The following RFTN2 variants were observed in gnomAD, a reference collection of about 807,000 sequenced individuals.
RFTN2 encodes the protein raftlin family member 2, also known as raftlin-2.
Under a neutral mutation model 52.7 loss-of-function variants are expected in RFTN2, and 34 were observed. That is an observed-to-expected ratio of 0.64 (90% CI 0.49 to 0.86). The LOEUF (loss-of-function observed/expected upper bound fraction) is 0.86. Among genes scored for constraint, RFTN2 ranks in the 40% least tolerant of loss-of-function variants. RFTN2 has a pLI of 0.00. For synonymous variants in RFTN2, 203 were observed against 217.7 expected, an observed-to-expected ratio of 0.93 and a Z score of 0.59; for missense variants, 536 against 600.1, an observed-to-expected ratio of 0.89 and a Z score of 1.12.
intron 2 of RFTN2, among the ~76,000 whole-genome samples, chr2:197,645,556 C>T (rs2088735821): frequency 6.6e-6 from 1 of 152,160 alleles, no homozygotes; most frequent in Non-Finnish European, 1.5e-5. Context: ...ACCATGAAAA[C>T]TATCAAATTT....
intron 1 of RFTN2, among the ~76,000 whole-genome samples, chr2:197,667,102 T>C (rs1031840602): frequency 4.6e-5 from 7 of 152,166 alleles, no homozygotes; most frequent in African/African-American, 1.4e-4. Context: ...TTTCTCAGCC[T>C]CCTGAGTAGC....
intron 5 of RFTN2, among the ~76,000 whole-genome samples, chr2:197,628,180 C>CT (rs5837549): frequency 0.24 from 36,290 of 152,012 alleles, 4,602 homozygotes; most frequent in African/African-American, 0.32. Context: ...ACAATTTCCC[C>CT]TTGGCAACTT....
intron 1 of RFTN2, among the ~76,000 whole-genome samples, chr2:197,646,897 CAAAAA>C (rs35611096): frequency 1.1e-5 from 1 of 88,270 alleles, no homozygotes; most frequent in Admixed American, 1.4e-4. Context: ...ATTGTCTCTA[CAAAAA>C]AAAAAAAAAA....
At chr2:197,610,903 G>C (rs2088046368) in intron 7 of RFTN2, among the ~76,000 whole-genome samples, 1 of 152,194 alleles carries the variant, frequency 6.6e-6, no homozygotes, top group African/African-American at 2.4e-5. Context: ...CTGTTTATGT[G>C]ATGGATTACA....
At chr2:197,619,282 C>T (rs1372655070) in intron 5 of RFTN2, among the ~76,000 whole-genome samples, 1 of 151,516 alleles carries the variant, frequency 6.6e-6, no homozygotes, top group Non-Finnish European at 1.5e-5. Flanking sequence ...ATGACAATGG[C>T]GGTTTTGTAG....
intron 8 of RFTN2, among the ~76,000 whole-genome samples, chr2:197,572,870 T>A (rs1047551758): frequency 3.9e-5 from 6 of 152,090 alleles, no homozygotes; most frequent in Admixed American, 3.3e-4. Flanking sequence ...ATAAGTATCA[T>A]GAGATCTGAT....
chr2:197,586,191 G>C (rs144320885), intron 8 of RFTN2, among the ~76,000 whole-genome samples: 1 of 152,264 alleles, frequency 6.6e-6, no homozygotes, highest in East Asian at 1.9e-4. Flanking sequence ...TTGCTCGTCA[G>C]ACTCTCCTCC....
Position 197,644,182 on chromosome 2 carries a change from G to C in RFTN2, c.414C>G (p.Asp138Glu), listed in dbSNP as rs200976367. Residue 138 changes from aspartate (D) to glutamate (E), a missense_variant, in exon 3 of 9, where the codon GAC becomes GAG. Transcript: ENST00000295049. ...CCTTTTCTATCAGTTCTTTTGCTGC[G>C]TCATTTGTTTGTGCCTCAGAAGTTA... ...CPLTSEAQTN[D>E]AAKELIEKIN... is the part of the protein sequence containing the mutation. The C allele has an allele frequency of 2.5e-6, 4 of 1,608,808 alleles. No homozygotes were observed. In the South Asian group the frequency reaches 4.4e-5, roughly 18 times the overall value.
intron 5 of RFTN2, among the ~76,000 whole-genome samples, chr2:197,619,981 TA>T (rs1344783386): frequency 3.3e-5 from 5 of 151,502 alleles, no homozygotes; most frequent in African/African-American, 7.2e-5. Context: ...AAAATCAATC[TA>T]AAAGGCATCT....
chr2:197,654,161 G>A (rs2088860943), intron 1 of RFTN2, among the ~76,000 whole-genome samples: 1 of 152,180 alleles, frequency 6.6e-6, no homozygotes, highest in Admixed American at 6.5e-5. Context: ...GCTGAGGTGG[G>A]CGGATCACTT....
Sources: gnomAD v4.1 joint callset for allele counts (sites outside exome capture counted in the v4.1 genomes callset) on GRCh38, gnomAD v4.1.1 for gene constraint, MANE v1.5 for transcripts, NCBI Gene and HGNC (gene_info 2026-07-23, HGNC 2026-07-21) for gene names.